The following RNF24 variants were observed in gnomAD, a reference collection of about 807,000 sequenced individuals.
The protein encoded by RNF24 is ring finger protein 24.
RNF24 carries 14 observed loss-of-function variants against 20.0 expected under a neutral mutation model. The observed-to-expected ratio is 0.70, with a 90% confidence interval of 0.46 to 1.10. RNF24 has a LOEUF of 1.10. Among genes scored for constraint, RNF24 ranks in the 50% least tolerant of loss-of-function variants. The pLI, the probability that RNF24 is intolerant of heterozygous loss-of-function variation, is 0.00. For synonymous variants in RNF24, 45 were observed against 61.1 expected, an observed-to-expected ratio of 0.74 and a Z score of 1.23; for missense variants, 124 against 177.6, an observed-to-expected ratio of 0.70 and a Z score of 1.71.
intron 4 of RNF24, among the ~76,000 whole-genome samples, chr20:3,941,333 T>G (rs1354520076): frequency 6.6e-6 from 1 of 152,158 alleles, no homozygotes; most frequent in Non-Finnish European, 1.5e-5. Context: ...GATTTTTCAA[T>G]GTATATAGAC....
chr20:4,014,966 G>C (rs1161357764), intron 1 of RNF24, among the ~76,000 whole-genome samples: 2 of 152,208 alleles, frequency 1.3e-5, no homozygotes, highest in Non-Finnish European at 2.9e-5. Context: ...GGGGAGGAGT[G>C]GACGGGGACC....
chr20:3,939,180 G>A (rs1307431989), intron 4 of RNF24, among the ~76,000 whole-genome samples: 1 of 150,880 alleles, frequency 6.6e-6, no homozygotes, highest in African/African-American at 2.4e-5. Flanking sequence ...GTTTTTTAGA[G>A]ACAGAGTCTT....
At chr20:3,948,190 T>C in intron 3 of RNF24, 47 bp downstream of exon 3, 3 of 1,419,242 alleles carry the variant, frequency 2.1e-6, no homozygotes, top group South Asian at 2.5e-5. Context: ...TCTCAGTTTT[T>C]TGGGGGGAAA....
chr20:4,014,240 A>AC (rs1483061082), intron 1 of RNF24, among the ~76,000 whole-genome samples: 1 of 152,192 alleles, frequency 6.6e-6, no homozygotes, highest in Non-Finnish European at 1.5e-5. Flanking sequence ...ATGCAATAAA[A>AC]CCCTCTGCCA....
At chr20:3,967,370 T>C (rs991118025) in intron 1 of RNF24, among the ~76,000 whole-genome samples, 2 of 152,064 alleles carry the variant, frequency 1.3e-5, no homozygotes, top group Admixed American at 1.3e-4. Context: ...TTTCCCCTTA[T>C]GTAAATTCAG....
chr20:3,947,586 TAAAG>T (rs1300985952), intron 3 of RNF24, among the ~76,000 whole-genome samples: 18 of 152,136 alleles, frequency 1.2e-4, no homozygotes, highest in Non-Finnish European at 1.5e-5. Flanking sequence ...TGTCTTCTAA[TAAAG>T]AAGGAAGGAA....
chr20:3,955,656 G>C (rs1243108902), intron 2 of RNF24, among the ~76,000 whole-genome samples: 2 of 151,984 alleles, frequency 1.3e-5, no homozygotes, highest in Admixed American at 6.6e-5. Flanking sequence ...TTCTATTTCT[G>C]TAAAAAAAGG....
At chr20:3,992,833 T>C (rs1280895093) in intron 1 of RNF24, among the ~76,000 whole-genome samples, 1 of 152,204 alleles carries the variant, frequency 6.6e-6, no homozygotes, top group African/African-American at 2.4e-5. Context: ...TAAGTCAAAA[T>C]AATATGCAAG....
At chr20:4,014,910 C>T (rs1982770039) in intron 1 of RNF24, among the ~76,000 whole-genome samples, 1 of 152,338 alleles carries the variant, frequency 6.6e-6, no homozygotes, top group African/African-American at 2.4e-5. Flanking sequence ...CGACCACTGC[C>T]ATGCACACTG....
chr20:3,951,380 G>C (rs760349067), intron 2 of RNF24, among the ~76,000 whole-genome samples: 4 of 152,136 alleles, frequency 2.6e-5, no homozygotes, highest in Non-Finnish European at 5.9e-5. Context: ...GGTTAAGATA[G>C]TGTCCACTGG....
At chr20:3,960,938 C>T (rs1445914704) in intron 2 of RNF24, among the ~76,000 whole-genome samples, 1 of 151,918 alleles carries the variant, frequency 6.6e-6, no homozygotes, top group African/African-American at 2.4e-5. Flanking sequence ...GGACTACAGG[C>T]GTGTGCCACC....
chr20:4,014,612 T>G (rs1367742352), intron 1 of RNF24, among the ~76,000 whole-genome samples: 1 of 152,174 alleles, frequency 6.6e-6, no homozygotes, highest in Non-Finnish European at 1.5e-5. Flanking sequence ...AAAAAACTGT[T>G]TGAAATAACA....
chr20:3,946,033 A>C (rs2091012370), intron 3 of RNF24, among the ~76,000 whole-genome samples: 1 of 152,242 alleles, frequency 6.6e-6, no homozygotes, highest in African/African-American at 2.4e-5. Flanking sequence ...TAAATTTCCT[A>C]TCCAGTATAT....
In RNF24 at chr20:3,928,213, C is replaced by G. The variant is rs1251525149; in HGVS notation, c.*5850G>C. On this transcript the variant is annotated 3_prime_UTR_variant, in exon 6 of 6. Coordinates refer to ENST00000358395, the MANE Select transcript of RNF24 (RefSeq NM_001134337.3). The stretch of plus-strand genomic sequence containing the variant: ...GACACACCCAGGGCCAGAGATTCTA[C>G]AAATGCCAGAAGAGTGGATGTGATA... 1 of 152,194 alleles carries G rather than the reference C, an allele frequency of 6.6e-6. No homozygotes were observed. The highest frequency in any genetic ancestry group is 1.5e-5 in the Non-Finnish European group (1 of 68,040). 9.4% of individuals were successfully genotyped at this position (152,194 alleles called of 1,614,324 possible).
chr20:3,935,698 G>A (rs1160403640), intron 4 of RNF24, among the ~76,000 whole-genome samples: 1 of 152,262 alleles, frequency 6.6e-6, no homozygotes, highest in Non-Finnish European at 1.5e-5. Flanking sequence ...CCATGGCTTG[G>A]AGAGAGGCCT....
At position 3,931,996 on chromosome 20, in the gene RNF24, A is replaced by T. The variant is rs1435459996; in HGVS notation, c.*2067T>A. 1 of 152,244 alleles carries T rather than the reference A, an allele frequency of 6.6e-6. No homozygotes were observed. The highest frequency in any genetic ancestry group is 1.5e-5 in the Non-Finnish European group (1 of 68,040). 9.4% of individuals were successfully genotyped at this position (152,244 alleles called of 1,614,324 possible). On this transcript the variant is annotated 3_prime_UTR_variant, in exon 6 of 6. Coordinates refer to ENST00000358395, the MANE Select transcript of RNF24 (RefSeq NM_001134337.3). ...ATGCACAGGGACAGAAAAAGCCTGC[A>T]ACTTTCAGTTGGGAGAATCCTATAA...
intron 1 of RNF24, among the ~76,000 whole-genome samples, chr20:3,970,124 G>T (rs1235665441): frequency 6.6e-6 from 1 of 152,108 alleles, no homozygotes; most frequent in Non-Finnish European, 1.5e-5. Flanking sequence ...GACAGAGGAG[G>T]ATCTCGTGAA....
At chr20:3,967,286 A>G (rs1448402465) in intron 1 of RNF24, among the ~76,000 whole-genome samples, 1 of 152,212 alleles carries the variant, frequency 6.6e-6, no homozygotes, top group Non-Finnish European at 1.5e-5. Context: ...GGGAGTGAAG[A>G]GGAGAAATAG....
chr20:3,930,058 A>C lies in RNF24; in HGVS notation c.*4005T>G, dbSNP rs2090799702. The C allele has an allele frequency of 1.3e-5, 2 of 152,254 alleles. No homozygotes were observed. The highest frequency in any genetic ancestry group is 2.4e-5 in the African/African-American group (1 of 41,462). 9.4% of individuals were successfully genotyped at this position (152,254 alleles called of 1,614,324 possible). On this transcript the variant is annotated 3_prime_UTR_variant, in exon 6 of 6. Transcript: ENST00000358395. ...TAGACACACATACACATGTGTGTAC[A>C]TGCATAAATGATCTCTGGAAGGATA...
Sources: gnomAD v4.1 joint callset for allele counts (sites outside exome capture counted in the v4.1 genomes callset) on GRCh38, gnomAD v4.1.1 for gene constraint, MANE v1.5 for transcripts, NCBI Gene and HGNC (gene_info 2026-07-23, HGNC 2026-07-21) for gene names.